Variants in ASIC2 observed in about 807,000 individuals in gnomAD.
ASIC2 encodes the protein acid-sensing ion channel 2.
A neutral mutation model predicts 57.3 loss-of-function variants in ASIC2; 25 were observed. The ratio of observed to expected loss-of-function variants is 0.44; its 90% confidence interval spans 0.32 to 0.61. The LOEUF is 0.61. Ranked by LOEUF, ASIC2 falls within the 20% of genes least tolerant of loss-of-function variation. The probability of loss-of-function intolerance (pLI) is 0.06; values close to 1 mark genes in which losing one functional copy is unlikely to be tolerated. For synonymous variants in ASIC2, 319 were observed against 307.5 expected (o/e 1.04, Z -0.39); for missense variants, 641 against 738.1 (o/e 0.87, Z 1.52).
intron 1 of ASIC2, among the ~76,000 whole-genome samples, chr17:33,816,247 C>G (rs912795813): frequency 1.3e-5 from 2 of 151,958 alleles, no homozygotes; most frequent in Admixed American, 6.6e-5. Flanking sequence ...GGGCTTCTTT[C>G]CAGGGCACCT....
chr17:33,024,167 T>C (rs1019681321), intron 5 of ASIC2, among the ~76,000 whole-genome samples, 153 bp from the exon 6 acceptor site: 4 of 152,172 alleles, frequency 2.6e-5, no homozygotes, highest in Non-Finnish European at 4.4e-5. Flanking sequence ...AGAGGGGAAC[T>C]GGGCTTTTGC....
At chr17:34,048,735 C>T (rs186695767) in intron 1 of ASIC2, among the ~76,000 whole-genome samples, 14 of 152,310 alleles carry the variant, frequency 9.2e-5, no homozygotes, top group African/African-American at 3.1e-4. Flanking sequence ...GAGGGCATGG[C>T]GTGCTATGTG....
At chr17:34,037,473 C>T (rs1450125715) in intron 1 of ASIC2, 3 of 803,278 alleles carry the variant, frequency 3.7e-6, no homozygotes, top group Non-Finnish European at 5.7e-6. Flanking sequence ...TGCTGTCATG[C>T]TCTATGGATG....
chr17:33,318,783 G>A (rs1906754718), intron 1 of ASIC2, among the ~76,000 whole-genome samples: 1 of 152,160 alleles, frequency 6.6e-6, no homozygotes, highest in Non-Finnish European at 1.5e-5. Flanking sequence ...GTTGGGGACA[G>A]CTGCATTGAG....
At chr17:33,421,477 C>T (rs576226848) in intron 1 of ASIC2, among the ~76,000 whole-genome samples, 2 of 152,314 alleles carry the variant, frequency 1.3e-5, no homozygotes, top group East Asian at 1.9e-4. Flanking sequence ...CTTCCAAGAA[C>T]CTTCCAGCGT....
chr17:33,692,628 C>T (rs919049734), intron 1 of ASIC2: 6 of 152,140 alleles, frequency 3.9e-5, no homozygotes, highest in African/African-American at 1.2e-4. Flanking sequence ...TACCATGAAT[C>T]GGAGCTTGCA....
chr17:33,496,264 T>A (rs186939015), intron 1 of ASIC2, among the ~76,000 whole-genome samples: 74 of 152,092 alleles, frequency 4.9e-4, no homozygotes, highest in Non-Finnish European at 8.8e-4. Flanking sequence ...GTCTGCTGAG[T>A]CAATTTCTCC....
intron 1 of ASIC2, among the ~76,000 whole-genome samples, chr17:33,506,270 G>T (rs12939430): frequency 6.7e-6 from 1 of 150,150 alleles, no homozygotes; most frequent in Non-Finnish European, 1.5e-5. Context: ...AAAATTAGCT[G>T]GGTGTGGTGG....
intron 1 of ASIC2, among the ~76,000 whole-genome samples, chr17:33,725,139 C>A (rs1435706484): frequency 6.6e-6 from 1 of 152,256 alleles, no homozygotes; most frequent in East Asian, 1.9e-4. Flanking sequence ...GCTCTCAAGG[C>A]AGCTCTGCTC....
At chr17:33,842,354 C>T (rs1013187965) in intron 1 of ASIC2, among the ~76,000 whole-genome samples, 3 of 152,186 alleles carry the variant, frequency 2.0e-5, no homozygotes, top group Non-Finnish European at 4.4e-5. Context: ...CTAGATTCCC[C>T]AGCTCGGGAC....
chr17:33,166,048 C>T (rs11869847), intron 1 of ASIC2, among the ~76,000 whole-genome samples: 3,756 of 152,252 alleles, frequency 0.025, 162 homozygotes, highest in African/African-American at 0.086. Flanking sequence ...AGAGACATTA[C>T]GCATGTATGG....
intron 1 of ASIC2, among the ~76,000 whole-genome samples, chr17:33,202,675 C>T (rs187804851): frequency 6.6e-6 from 1 of 152,318 alleles, no homozygotes; most frequent in East Asian, 1.9e-4. Flanking sequence ...ATAAGAGTTG[C>T]TATGGAGAGC....
chr17:34,089,874 G>A (rs765388661), intron 1 of ASIC2, among the ~76,000 whole-genome samples: 8 of 152,170 alleles, frequency 5.3e-5, no homozygotes, highest in South Asian at 2.1e-4. Context: ...CCCAGCAGTC[G>A]TGGCAGCAGT....
chr17:33,482,206 G>T (rs115310348), intron 1 of ASIC2, among the ~76,000 whole-genome samples: 2,307 of 152,232 alleles, frequency 0.015, 64 homozygotes, highest in African/African-American at 0.053. Flanking sequence ...TTTCCATGTG[G>T]TTGTTGAGAC....
chr17:33,171,182 C>T (rs994799414), intron 1 of ASIC2, among the ~76,000 whole-genome samples: 4 of 152,208 alleles, frequency 2.6e-5, no homozygotes, highest in African/African-American at 9.6e-5. Context: ...TACTCTGCCC[C>T]TAGCTTTCTC....
intron 1 of ASIC2, among the ~76,000 whole-genome samples, chr17:34,112,323 T>A (rs1290923121): frequency 6.6e-6 from 1 of 152,104 alleles, no homozygotes; most frequent in Non-Finnish European, 1.5e-5. Context: ...ACTGAACTCA[T>A]CATAATAAAT....
At chr17:33,511,230 T>A (rs1914423613) in intron 1 of ASIC2, among the ~76,000 whole-genome samples, 1 of 150,952 alleles carries the variant, frequency 6.6e-6, no homozygotes, top group African/African-American at 2.4e-5. Flanking sequence ...AAAAGCAGGA[T>A]GAGGACACAC....
intron 1 of ASIC2, among the ~76,000 whole-genome samples, chr17:33,262,796 T>C (rs1214219695): frequency 2.6e-5 from 4 of 151,992 alleles, no homozygotes; most frequent in Admixed American, 2.6e-4. Context: ...GGGAAAAGAA[T>C]AAAGTACTAT....
chr17:33,651,661 G>A (rs945474214), intron 1 of ASIC2, among the ~76,000 whole-genome samples: 5 of 152,308 alleles, frequency 3.3e-5, no homozygotes, highest in South Asian at 4.1e-4. Context: ...CTTCTGCACC[G>A]TATGGCAAGG....
Sources: allele counts gnomAD v4.1 joint callset (sites outside exome capture counted in the v4.1 genomes callset), GRCh38; gene constraint gnomAD v4.1.1; transcripts MANE v1.5; gene names NCBI Gene and HGNC (gene_info 2026-07-23, HGNC 2026-07-21).